SCG5: variants seen among roughly 807,000 people sequenced by gnomAD.
SCG5 encodes the protein neuroendocrine protein 7B2.
A neutral mutation model predicts 25.7 loss-of-function variants in SCG5; 18 were observed. That is an observed-to-expected ratio of 0.70 (90% confidence interval 0.48 to 1.04). The LOEUF is 1.04. SCG5 is among the 50% of genes least tolerant of loss of function. SCG5 has a pLI of 0.00. For missense variants in SCG5, 206 were observed against 259.8 expected (o/e 0.79, Z 1.42); for synonymous variants, 101 against 91.7 (o/e 1.10, Z -0.58).
chr15:32,650,103 T>G (rs769411389), intron 2 of SCG5, among the ~76,000 whole-genome samples: 11 of 152,140 alleles, frequency 7.2e-5, no homozygotes, highest in Non-Finnish European at 1.5e-4. Context: ...CTTATTTATT[T>G]ATTTATTTTT....
At chr15:32,683,367 C>T (rs995962884) in intron 3 of SCG5, among the ~76,000 whole-genome samples, 1 of 152,082 alleles carries the variant, frequency 6.6e-6, no homozygotes, top group Non-Finnish European at 1.5e-5. Flanking sequence ...CTTTTTATTG[C>T]TGTTGTCTAA....
chr15:32,667,391 C>A (rs2054337320), intron 2 of SCG5, among the ~76,000 whole-genome samples: 1 of 152,180 alleles, frequency 6.6e-6, no homozygotes, highest in Admixed American at 6.5e-5. Flanking sequence ...CTTTCTTCAC[C>A]CGTTTTACCA....
At chr15:32,650,923 CG>C (rs1456922512) in intron 2 of SCG5, among the ~76,000 whole-genome samples, 3 of 152,208 alleles carry the variant, frequency 2.0e-5, no homozygotes, top group African/African-American at 7.2e-5. Context: ...TTCTGCCGGG[CG>C]CGATGGCTCA....
At chr15:32,673,930 A>G (rs1283606530) in intron 2 of SCG5, among the ~76,000 whole-genome samples, 2 of 152,072 alleles carry the variant, frequency 1.3e-5, no homozygotes, top group Non-Finnish European at 2.9e-5. Context: ...CATCTTGGCC[A>G]GGCTGGTCTT....
chr15:32,659,045 G>A (rs377041443), intron 2 of SCG5, among the ~76,000 whole-genome samples: 239 of 152,138 alleles, frequency 1.6e-3, no homozygotes, highest in African/African-American at 5.4e-3. Context: ...GCATGGTGGC[G>A]GGCACCTGTA....
intron 5 of SCG5, among the ~76,000 whole-genome samples, chr15:32,693,664 G>A (rs796226921): frequency 4.6e-5 from 7 of 152,338 alleles, no homozygotes; most frequent in African/African-American, 1.7e-4. Context: ...TCTGCTGTGA[G>A]TTTCCAGAGG....
chr15:32,674,611 C>A (rs1377403476), intron 2 of SCG5, among the ~76,000 whole-genome samples: 1 of 152,098 alleles, frequency 6.6e-6, no homozygotes, highest in South Asian at 2.1e-4. Flanking sequence ...TCTGGACAAG[C>A]GATCATTGGA....
At chr15:32,682,242 C>A (rs536156065) in intron 3 of SCG5, among the ~76,000 whole-genome samples, 25 of 152,210 alleles carry the variant, frequency 1.6e-4, no homozygotes, top group Non-Finnish European at 3.1e-4. Context: ...GGGTGGGACC[C>A]AGGAATTTGT....
intron 2 of SCG5, among the ~76,000 whole-genome samples, chr15:32,675,263 A>G (rs899617427): frequency 3.3e-5 from 5 of 152,216 alleles, no homozygotes; most frequent in African/African-American, 7.2e-5. Context: ...TCCTATCTTT[A>G]TTAATGGTAT....
At chr15:32,644,655 T>C (rs2053915259) in intron 2 of SCG5, among the ~76,000 whole-genome samples, 2 of 152,238 alleles carry the variant, frequency 1.3e-5, no homozygotes, top group Admixed American at 1.3e-4. Flanking sequence ...CTGATTCTAA[T>C]GATCTCCTTC....
At chr15:32,667,887 C>T (rs573201670) in intron 2 of SCG5, among the ~76,000 whole-genome samples, 1 of 152,120 alleles carries the variant, frequency 6.6e-6, no homozygotes, top group Non-Finnish European at 1.5e-5. Flanking sequence ...GTTGGCCAGG[C>T]TGGTCTCAAA....
At chr15:32,677,458 A>C (rs1412025278) in intron 2 of SCG5, 1 of 152,234 alleles carries the variant, frequency 6.6e-6, no homozygotes, top group Non-Finnish European at 1.5e-5. Flanking sequence ...AAAAGTGTGA[A>C]TCCAACGAAG....
chr15:32,671,712 G>T (rs200008442), intron 2 of SCG5, among the ~76,000 whole-genome samples: 4 of 150,018 alleles, frequency 2.7e-5, no homozygotes, highest in Non-Finnish European at 5.9e-5. Context: ...AAAAAAAAAA[G>T]AAAAAACAAC....
intron 4 of SCG5, among the ~76,000 whole-genome samples, chr15:32,688,826 G>T (rs1038137066): frequency 6.6e-6 from 1 of 152,104 alleles, no homozygotes; most frequent in Non-Finnish European, 1.5e-5. Context: ...GGGCGCGGTG[G>T]CGGGTGCCTG....
Position 32,696,540 on chromosome 15 carries a change from G to C in SCG5, c.570G>C (p.Gln190His), listed in dbSNP as rs1304764299. The part of the protein sequence containing the change: ...RRSVNPYLQG[Q>H]RLDNVVAKKS... The stretch of plus-strand genomic sequence containing the variant: ...GTGTCAATCCATATCTACAAGGACA[G>C]AGACTGGATAATGTTGTTGCAAAGA... The change falls in exon 6 of 6, where the codon CAG becomes CAC. Residue 190 changes from glutamine (Q) to histidine (H), a missense_variant. Coordinates refer to ENST00000300175, the MANE Select transcript of SCG5 (RefSeq NM_001144757.3). 6.2e-7 allele frequency: 1 copy of C among 1,612,692 alleles called. No homozygotes were observed. Among genetic ancestry groups the C allele is most frequent in the African/African-American group, 1.3e-5 (1 of 74,934 alleles).
Position 32,696,727 on chromosome 15 carries a change from A to G in SCG5, c.*118A>G. On this transcript the variant is annotated 3_prime_UTR_variant, in exon 6 of 6. Coordinates refer to ENST00000300175, the MANE Select transcript of SCG5 (RefSeq NM_001144757.3). The stretch of plus-strand genomic sequence containing the variant: ...GTTTCTTACATAGATAATTATGGAT[A>G]CAAAGCAGCTGTATGTAGATAGTGT... The G allele has an allele frequency of 1.5e-6, 1 of 663,570 alleles. No individual in the cohort carries two copies. The highest frequency in any genetic ancestry group is 1.8e-5 in the African/African-American group (1 of 56,202). The allele number at this position is 663,570 out of a possible 1,614,324, so 41.1% of individuals were successfully genotyped here. A position where few individuals can be genotyped will look rare whatever the true frequency, so the allele number is the denominator to read the frequency against.
intron 4 of SCG5, among the ~76,000 whole-genome samples, chr15:32,687,851 G>A (rs149588862): frequency 1.6e-4 from 25 of 152,250 alleles, no homozygotes; most frequent in Middle Eastern, 3.4e-3. Context: ...CCCGTGTTAG[G>A]TAATGGGAAT....
chr15:32,664,075 T>C (rs2054281811), intron 2 of SCG5, among the ~76,000 whole-genome samples: 1 of 152,194 alleles, frequency 6.6e-6, no homozygotes, highest in Non-Finnish European at 1.5e-5. Context: ...TCAGGGCTAC[T>C]GTGAGCACCC....
chr15:32,663,588 G>A (rs573836569), intron 2 of SCG5, among the ~76,000 whole-genome samples: 6 of 152,096 alleles, frequency 3.9e-5, no homozygotes, highest in Non-Finnish European at 7.4e-5. Flanking sequence ...TTCCTACCTG[G>A]TGGATCATCA....
Sources: gnomAD v4.1 joint callset for allele counts (sites outside exome capture counted in the v4.1 genomes callset) on GRCh38, gnomAD v4.1.1 for gene constraint, MANE v1.5 for transcripts, NCBI Gene and HGNC (gene_info 2026-07-23, HGNC 2026-07-21) for gene names.